Variants in SIK3 observed in about 807,000 individuals in gnomAD.
The protein encoded by SIK3 is serine/threonine-protein kinase SIK3.
A neutral mutation model predicts 144.2 loss-of-function variants in SIK3; 28 were observed. That is an observed-to-expected ratio of 0.19 (90% CI 0.14 to 0.27). The LOEUF (loss-of-function observed/expected upper bound fraction) is 0.27, where lower values mean the gene tolerates loss of function less well. SIK3 is among the 10% of genes least tolerant of loss of function. The pLI, the probability that SIK3 is intolerant of heterozygous loss-of-function variation, is 1.00. For missense variants in SIK3, 1,319 were observed against 1,776.0 expected (o/e 0.74, Z 4.62); for synonymous variants, 686 against 676.3 (o/e 1.01, Z -0.22).
At chr11:116,997,898 C>A (rs1230953215) in intron 1 of SIK3, among the ~76,000 whole-genome samples, 1 of 152,154 alleles carries the variant, frequency 6.6e-6, no homozygotes, top group South Asian at 2.1e-4. Flanking sequence ...CTCACTTTGT[C>A]ACCCAGACTG....
intron 1 of SIK3, among the ~76,000 whole-genome samples, chr11:117,023,621 A>AAATATATATATATATATATATATATATAT (rs754624841): frequency 1.0e-5 from 1 of 95,418 alleles, no homozygotes; most frequent in African/African-American, 4.4e-5. Flanking sequence ...AAAAAAAAAA[A>AAATATATATATATATATATATATATATAT]ATATATATAT....
At chr11:117,012,249 T>C (rs568025629) in intron 1 of SIK3, among the ~76,000 whole-genome samples, 4 of 152,288 alleles carry the variant, frequency 2.6e-5, no homozygotes, top group South Asian at 4.1e-4. Context: ...GTTGGGATTA[T>C]AGGCATGAGC....
chr11:116,989,933 TCTAATAGAA>T (rs1429621960), intron 1 of SIK3, among the ~76,000 whole-genome samples: 1 of 151,550 alleles, frequency 6.6e-6, no homozygotes, highest in African/African-American at 2.4e-5. Flanking sequence ...AAATTTCAAG[TCTAATAGAA>T]CAATTTCTGT....
intron 22 of SIK3, among the ~76,000 whole-genome samples, chr11:116,848,346 CA>C: frequency 6.6e-6 from 1 of 151,100 alleles, no homozygotes; most frequent in East Asian, 1.9e-4. Context: ...GACTCTGTCT[CA>C]AAAAATAATA....
At chr11:116,961,630 T>C (rs1949351075) in intron 1 of SIK3, among the ~76,000 whole-genome samples, 3 of 152,218 alleles carry the variant, frequency 2.0e-5, no homozygotes, top group Admixed American at 6.5e-5. Flanking sequence ...TACTTACATA[T>C]GAAAATTATA....
intron 4 of SIK3, among the ~76,000 whole-genome samples, chr11:116,906,349 A>G (rs1391407519): frequency 6.6e-6 from 1 of 152,158 alleles, no homozygotes; most frequent in African/African-American, 2.4e-5. Flanking sequence ...AAAAAAAATT[A>G]CTTTTTCTTT....
chr11:116,856,128 C>G (rs1307908401), intron 21 of SIK3, among the ~76,000 whole-genome samples: 2 of 147,944 alleles, frequency 1.4e-5, no homozygotes, highest in African/African-American at 5.0e-5. Context: ...GCATTGTAGG[C>G]AGAGCTTGCA....
chr11:117,022,809 GGCA>G (rs1951831489), intron 1 of SIK3, among the ~76,000 whole-genome samples: 2 of 148,206 alleles, frequency 1.3e-5, no homozygotes, highest in Non-Finnish European at 3.0e-5. Context: ...GATTGTGGAG[GGCA>G]AGGGAGGAAA....
chr11:116,965,105 G>A (rs1319221477), intron 1 of SIK3, among the ~76,000 whole-genome samples: 2 of 152,088 alleles, frequency 1.3e-5, no homozygotes, highest in East Asian at 3.9e-4. Context: ...GGTATCTGAA[G>A]CAAAGGAAAT....
intron 1 of SIK3, among the ~76,000 whole-genome samples, chr11:117,002,163 T>C (rs1950876228): frequency 1.3e-5 from 2 of 152,230 alleles, no homozygotes; most frequent in East Asian, 1.9e-4. Context: ...TTGAACATTG[T>C]AGTAAAATCT....
intron 1 of SIK3, among the ~76,000 whole-genome samples, chr11:116,973,783 CA>C (rs1949847329): frequency 6.6e-6 from 1 of 152,176 alleles, no homozygotes; most frequent in South Asian, 2.1e-4. Context: ...CCAATCTAAT[CA>C]TGACAAAGAC....
intron 21 of SIK3, among the ~76,000 whole-genome samples, chr11:116,856,423 T>C (rs780640897): frequency 2.0e-5 from 3 of 152,200 alleles, no homozygotes; most frequent in Admixed American, 6.5e-5. Context: ...TCTATCTTGA[T>C]CTTGGTTCTG....
rs1181951711 is a variant in SIK3 at position 116,846,874 on chromosome 11, G to A, written c.3953-321C>T. ...AAGGATCACCTCTTAAAGAGTGAAAGGGAGAATAATTTTACTGCCTGCAGG... is the reference window on the plus strand; with the variant it reads ...AAGGATCACCTCTTAAAGAGTGAAAAGGAGAATAATTTTACTGCCTGCAGG... On this transcript the variant is annotated intron_variant, in intron 23 of 24. Transcript: ENST00000445177. The surrounding 1 kb of genome is among the most constrained non-coding windows in gnomAD (Gnocchi z 4.1). 6.6e-6 allele frequency among the ~76,000 whole-genome samples: 1 copy of A among 152,354 alleles called. No individual in the cohort carries two copies. The highest frequency in any genetic ancestry group is 1.9e-4 in the East Asian group (1 of 5,194).
At position 117,071,649 on chromosome 11, in the gene SIK3, G is replaced by A. The variant is rs531809853; in HGVS notation, c.273+26494C>T. 5.3e-5 allele frequency among the ~76,000 whole-genome samples: 8 copies of A among 152,182 alleles called. No individual in the cohort carries two copies. The South Asian group carries it at 6.2e-4, about 12-fold the overall frequency. ...GTTTTGTTTTGTAAGACAGGGTCTCGCTCTGTCCTCCAGGCTGGAATGCAG... is the reference window on the plus strand; with the variant it reads ...GTTTTGTTTTGTAAGACAGGGTCTCACTCTGTCCTCCAGGCTGGAATGCAG... On this transcript the variant is annotated intron_variant, in intron 1 of 24. Transcript: ENST00000445177.
intron 1 of SIK3, among the ~76,000 whole-genome samples, chr11:117,003,466 GT>G (rs1340345996): frequency 4.6e-5 from 7 of 151,992 alleles, no homozygotes; most frequent in Non-Finnish European, 4.4e-5. Context: ...ACCTCATAAG[GT>G]TGTTCTCAGG....
intron 1 of SIK3, among the ~76,000 whole-genome samples, chr11:117,072,900 G>A (rs541327559): frequency 1.3e-5 from 2 of 152,304 alleles, no homozygotes; most frequent in Admixed American, 6.5e-5. Flanking sequence ...AGGGATTGAG[G>A]CCAGTAAAGT....
chr11:116,975,991 T>C (rs767770198), intron 1 of SIK3, among the ~76,000 whole-genome samples: 22 of 152,354 alleles, frequency 1.4e-4, no homozygotes, highest in Non-Finnish European at 2.5e-4. Context: ...TCCATGTGTT[T>C]GTGGACTAAC....
intron 1 of SIK3, among the ~76,000 whole-genome samples, chr11:117,073,419 C>T (rs1160427770): frequency 6.6e-6 from 1 of 152,126 alleles, no homozygotes; most frequent in Non-Finnish European, 1.5e-5. Context: ...TACCTGGTAT[C>T]GTGGAAAGAA....
chr11:116,946,489 G>A (rs1948595789), intron 3 of SIK3, among the ~76,000 whole-genome samples: 2 of 152,212 alleles, frequency 1.3e-5, no homozygotes, highest in Non-Finnish European at 2.9e-5. Context: ...TCCATTATAG[G>A]AGAGGAACCC....
Sources: allele counts gnomAD v4.1 joint callset (sites outside exome capture counted in the v4.1 genomes callset), GRCh38; gene constraint gnomAD v4.1.1; non-coding constraint Gnocchi (gnomAD v3.1); transcripts MANE v1.5; gene names NCBI Gene and HGNC (gene_info 2026-07-23, HGNC 2026-07-21).